IGF2R: variants seen among roughly 807,000 people sequenced by gnomAD.
IGF2R encodes the protein insulin like growth factor 2 receptor.
A neutral mutation model predicts 270.6 loss-of-function variants in IGF2R; 91 were observed. That is an observed-to-expected ratio of 0.34 (90% CI 0.28 to 0.40). The LOEUF is 0.40. Ranked by LOEUF, IGF2R falls within the 10% of genes least tolerant of loss-of-function variation. The pLI, the probability that IGF2R is intolerant of heterozygous loss-of-function variation, is 1.00. For missense variants in IGF2R, 2,805 were observed against 3,188.3 expected (o/e 0.88, Z 2.90); for synonymous variants, 1,316 against 1,258.9 (o/e 1.05, Z -0.96).
At chr6:160,000,182 T>TA (rs1437612136) in intron 2 of IGF2R, among the ~76,000 whole-genome samples, 1 of 152,216 alleles carries the variant, frequency 6.6e-6, no homozygotes, top group African/African-American at 2.4e-5. Context: ...CACATTGCTG[T>TA]AAAGAACTAC....
chr6:160,093,811 G>C, intron 44 of IGF2R: 2 of 735,534 alleles, frequency 2.7e-6, no homozygotes, highest in South Asian at 1.4e-5. Context: ...GTGATGAGCT[G>C]TTAAGGGTGC....
intron 19 of IGF2R, among the ~76,000 whole-genome samples, chr6:160,051,600 G>A (rs1036167905): frequency 1.3e-5 from 2 of 152,138 alleles, no homozygotes; most frequent in Non-Finnish European, 2.9e-5. Flanking sequence ...CTGAGGCTTG[G>A]TATAGCTCAG....
At chr6:159,987,456 A>G (rs998585070) in intron 1 of IGF2R, among the ~76,000 whole-genome samples, 2 of 152,184 alleles carry the variant, frequency 1.3e-5, no homozygotes, top group East Asian at 1.9e-4. Context: ...CAGTGGCACA[A>G]TCTCAGCTCA....
In IGF2R at chr6:160,108,223, G is replaced by C. The variant is rs1779665070; in HGVS notation, c.*3139G>C. The C allele has an allele frequency of 1.3e-5, 2 of 152,326 alleles. No individual in the cohort carries two copies. The highest frequency in any genetic ancestry group is 2.9e-5 in the Non-Finnish European group (2 of 68,088). The allele number at this position is 152,326 out of a possible 1,614,324, so 9.4% of individuals were successfully genotyped here. A position where few individuals can be genotyped will look rare whatever the true frequency, so the allele number is the denominator to read the frequency against. ...GTTGGCCTCTTGAGCCATACTTGCT[G>C]TCAGTTCTGGACATTGTTCTGTGAG... is the stretch of plus-strand genomic sequence containing the variant. On this transcript the variant is annotated 3_prime_UTR_variant, in exon 48 of 48. Coordinates refer to ENST00000356956, the MANE Select transcript of IGF2R (RefSeq NM_000876.4).
chr6:160,073,530 C>T, intron 34 of IGF2R, 61 bp downstream of exon 34: 1 of 1,579,906 alleles, frequency 6.3e-7, no homozygotes, highest in Non-Finnish European at 8.6e-7. Context: ...ACCCGGGCCC[C>T]TTCGTCAGGT....
chr6:160,090,032 A>C lies in IGF2R; in HGVS notation c.6584A>C (p.Gln2195Pro). 6.2e-7 allele frequency: 1 copy of C among 1,603,776 alleles called. No individual in the cohort carries two copies. Among genetic ancestry groups the C allele is most frequent in the Non-Finnish European group, 8.5e-7 (1 of 1,175,194 alleles). ...GCGTGCTCTGGAGCCAACATATGCCAGGTGAAGCCCAACGATCAGCACTTC... is the reference window on the plus strand; with the variant it reads ...GCGTGCTCTGGAGCCAACATATGCCCGGTGAAGCCCAACGATCAGCACTTC... Reference protein sequence around the residue: ...NPACSGANICQVKPNDQHFSR... With the variant: ...NPACSGANICPVKPNDQHFSR... The change falls in exon 44 of 48, where the codon CAG becomes CCG. Residue 2195 changes from glutamine (Q) to proline (P), a missense_variant. By Grantham distance (76) the Gln-to-Pro change is moderately conservative. Around this residue, in one of 2 missense-constraint regions of IGF2R, gnomAD observed 1,851 missense variants for 2,207.2 expected, o/e 0.84. Transcript: ENST00000356956.
Position 160,061,661 on chromosome 6 carries a change from G to A in IGF2R, c.3406+15G>A. 6.2e-7 allele frequency: 1 copy of A among 1,614,032 alleles called. No homozygotes were observed. Among genetic ancestry groups the A allele is most frequent in the Non-Finnish European group, 8.5e-7 (1 of 1,179,974 alleles). On this transcript the variant is annotated intron_variant, in intron 24 of 47. Coordinates refer to ENST00000356956, the MANE Select transcript of IGF2R (RefSeq NM_000876.4). ...TGGATGCCAGGGTGAGTTCTCCTTGGTCTCTTGATTGGCGTCTGTTCATTT... is the reference window on the plus strand; with the variant it reads ...TGGATGCCAGGGTGAGTTCTCCTTGATCTCTTGATTGGCGTCTGTTCATTT...
intron 1 of IGF2R, among the ~76,000 whole-genome samples, chr6:159,980,152 G>T (rs1783759133): frequency 1.4e-5 from 2 of 145,554 alleles, no homozygotes; most frequent in Admixed American, 1.4e-4. Flanking sequence ...CTGCACTCCA[G>T]CCTGGGCAAC....
chr6:160,089,593 T>C (rs1207122403), intron 43 of IGF2R, among the ~76,000 whole-genome samples: 1 of 152,230 alleles, frequency 6.6e-6, no homozygotes, highest in Non-Finnish European at 1.5e-5. Flanking sequence ...TTCTCAGCAG[T>C]GTTACTGGGG....
intron 45 of IGF2R, among the ~76,000 whole-genome samples, chr6:160,097,746 TCAG>T (rs1349523784): frequency 3.3e-5 from 5 of 152,080 alleles, no homozygotes; most frequent in Non-Finnish European, 7.4e-5. Flanking sequence ...GACCGTAGAG[TCAG>T]CAGACGACAG....
In IGF2R at chr6:160,096,450, G is replaced by A. The variant is rs1562377987; in HGVS notation, c.6667G>A (p.Asp2223Asn). The A allele has an allele frequency of 3.1e-6, 5 of 1,610,450 alleles. No homozygotes were observed. The highest frequency in any genetic ancestry group is 2.2e-5 in the South Asian group (2 of 90,316). ...TTCCCGTTTGACAGACGGCGATCTCGATGTCGTGTTTGCCTCTTCCTCTAA... is the reference window on the plus strand; with the variant it reads ...TTCCCGTTTGACAGACGGCGATCTCAATGTCGTGTTTGCCTCTTCCTCTAA... ...TKYYLQDGDL[D>N]VVFASSSKCG... Residue 2223 changes from aspartate to asparagine, a missense_variant, in exon 45 of 48, where the codon GAT becomes AAT. Transcript: ENST00000356956.
intron 42 of IGF2R, among the ~76,000 whole-genome samples, chr6:160,088,558 G>A (rs963025375): frequency 2.6e-5 from 4 of 152,188 alleles, no homozygotes; most frequent in Non-Finnish European, 4.4e-5. Flanking sequence ...AGTTTTCCCG[G>A]CCACATTGCA....
rs768911862 is a variant in IGF2R, at chr6:160,065,281, C to A, written c.4115+380C>A. ...GCTTTGCCAGATCGCCCTCTGGACA[C>A]CTGGGGTCCCATCCTTAGAGATTTT... On this transcript the variant is annotated intron_variant, in intron 29 of 47. Coordinates refer to ENST00000356956, the MANE Select transcript of IGF2R (RefSeq NM_000876.4). Among the ~76,000 whole-genome samples the A allele has an allele frequency of 2.8e-4, 42 of 152,310 alleles. 1 individual carries two copies. The Middle Eastern group carries it at 0.01, about 37-fold the overall frequency.
Position 160,102,794 on chromosome 6 carries a change from TTC to T in IGF2R, c.6995+125_6995+126del. 1 of 1,159,008 alleles carries T rather than the reference TTC, an allele frequency of 8.6e-7. No homozygotes were observed. Among genetic ancestry groups the T allele is most frequent in the African/African-American group, 1.6e-5 (1 of 64,076 alleles). 71.8% of individuals were successfully genotyped at this position (1,159,008 alleles called of 1,614,324 possible). A position where few individuals can be genotyped will look rare whatever the true frequency, so the allele number is the denominator to read the frequency against. ...GCCCTACAGCAGCGAAGGCTCGAGG[TTC>T]TTAGTCCAAAACTCTCTGGAAGCAG... On this transcript the variant is annotated intron_variant, in intron 46 of 47. Transcript: ENST00000356956. The surrounding 1 kb of genome is among the most constrained non-coding windows in gnomAD (Gnocchi z 4.5).
chr6:160,098,248 T>C (rs1371071001), intron 45 of IGF2R, among the ~76,000 whole-genome samples: 1 of 152,112 alleles, frequency 6.6e-6, no homozygotes, highest in East Asian at 1.9e-4. Flanking sequence ...AAGCACTGTT[T>C]ATAGGGCTTT....
rs945752438 is a variant in IGF2R at position 160,046,572 on chromosome 6, T to C, written c.1978T>C (p.Tyr660His). Residue 660 changes from tyrosine (Y) to histidine (H), a missense_variant, in exon 15 of 48, where the codon TAT becomes CAT. By Grantham distance (83) the Tyr-to-His change is moderately conservative. Coordinates refer to ENST00000356956, the MANE Select transcript of IGF2R (RefSeq NM_000876.4). Reference sequence around the variant, plus strand: ...AGTTGAGACAAAGAAGTATGACTTTTATATAAATGTGTGTGGCCCGGTGTC... The same window carrying C: ...AGTTGAGACAAAGAAGTATGACTTTCATATAAATGTGTGTGGCCCGGTGTC... ...YKVETKKYDFYINVCGPVSVS... is the reference protein window; with the variant it reads ...YKVETKKYDFHINVCGPVSVS... 6.2e-7 allele frequency: 1 copy of C among 1,614,100 alleles called. No homozygotes were observed. The highest frequency in any genetic ancestry group is 1.3e-5 in the African/African-American group (1 of 75,050).
At chr6:159,991,560 T>G (rs558882863) in intron 2 of IGF2R, among the ~76,000 whole-genome samples, 2 of 152,328 alleles carry the variant, frequency 1.3e-5, no homozygotes, top group East Asian at 3.9e-4. Flanking sequence ...AGACAGCTGT[T>G]ATGAAGAATT....
chr6:160,101,793 T>C (rs896069082), intron 45 of IGF2R, among the ~76,000 whole-genome samples: 1 of 152,260 alleles, frequency 6.6e-6, no homozygotes, highest in African/African-American at 2.4e-5. Context: ...GTTTCTCATT[T>C]TCTATTATTG....
intron 10 of IGF2R, among the ~76,000 whole-genome samples, chr6:160,038,116 C>T (rs1777866334): frequency 6.6e-6 from 1 of 152,128 alleles, no homozygotes; most frequent in Non-Finnish European, 1.5e-5. Flanking sequence ...CATTTGAAAA[C>T]CTTCCTTCCC....
Sources: allele counts gnomAD v4.1 joint callset (sites outside exome capture counted in the v4.1 genomes callset), GRCh38; gene constraint gnomAD v4.1.1; regional missense constraint gnomAD v4.1.1; non-coding constraint Gnocchi (gnomAD v3.1); transcripts MANE v1.5; gene names NCBI Gene and HGNC (gene_info 2026-07-23, HGNC 2026-07-21).